Variants in CCBE1 observed in about 807,000 individuals in gnomAD.
The protein encoded by CCBE1 is collagen and calcium binding EGF domains 1, also known as collagen and calcium-binding EGF domain-containing protein 1.
Under a neutral mutation model 50.0 loss-of-function variants are expected in CCBE1, and 37 were observed. The observed-to-expected ratio is 0.74, with a 90% CI of 0.57 to 0.97. The LOEUF (loss-of-function observed/expected upper bound fraction) is 0.97, where lower values mean the gene tolerates loss of function less well. Ranked by LOEUF, CCBE1 falls within the 50% of genes least tolerant of loss-of-function variation. The pLI is 0.00. For synonymous variants in CCBE1, 234 were observed against 203.7 expected, an observed-to-expected ratio of 1.15 and a Z score of -1.27; for missense variants, 538 against 523.8, an observed-to-expected ratio of 1.03 and a Z score of -0.26.
At chr18:59,521,380 C>T (rs910510498) in intron 2 of CCBE1, among the ~76,000 whole-genome samples, 5 of 152,152 alleles carry the variant, frequency 3.3e-5, no homozygotes, top group East Asian at 1.9e-4. Context: ...CCATGAGTTA[C>T]GTGGATTGCA....
At chr18:59,567,619 T>G (rs947424432) in intron 2 of CCBE1, among the ~76,000 whole-genome samples, 4 of 152,210 alleles carry the variant, frequency 2.6e-5, no homozygotes, top group Non-Finnish European at 4.4e-5. Flanking sequence ...GTAGCAATTC[T>G]ATCAGTGACC....
Position 59,522,716 on chromosome 18 carries a change from G to C in CCBE1, c.213-42478C>G, listed in dbSNP as rs536342053. Among the ~76,000 whole-genome samples the C allele has an allele frequency of 2.8e-3, 430 of 152,230 alleles. 2 individuals carry two copies. The highest frequency in any genetic ancestry group is 4.9e-3 in the Admixed American group (75 of 15,294). On this transcript the variant is annotated intron_variant, in intron 2 of 10. Transcript: ENST00000439986. ...AATTAAATTTTTTTCTTGGCCGGGCGCAGTGGCTCACGCCTGTAATCCCAG... is the reference window on the plus strand; with the variant it reads ...AATTAAATTTTTTTCTTGGCCGGGCCCAGTGGCTCACGCCTGTAATCCCAG...
chr18:59,574,896 A>G (rs1410373191), intron 2 of CCBE1, among the ~76,000 whole-genome samples: 1 of 152,158 alleles, frequency 6.6e-6, no homozygotes, highest in Admixed American at 6.5e-5. Flanking sequence ...TCAGAATGTG[A>G]GGTTTGAAAA....
intron 7 of CCBE1, among the ~76,000 whole-genome samples, chr18:59,442,037 C>T (rs1910453427): frequency 6.6e-6 from 1 of 152,180 alleles, no homozygotes; most frequent in Non-Finnish European, 1.5e-5. Flanking sequence ...GCCCCATAGT[C>T]CCATCCTCCC....
At chr18:59,527,885 G>C (rs1224068663) in intron 2 of CCBE1, among the ~76,000 whole-genome samples, 4 of 152,186 alleles carry the variant, frequency 2.6e-5, no homozygotes, top group Non-Finnish European at 5.9e-5. Flanking sequence ...AGGTGACCTA[G>C]TGTTTCTCTC....
At chr18:59,584,309 A>T (rs2053142594) in intron 2 of CCBE1, among the ~76,000 whole-genome samples, 1 of 141,410 alleles carries the variant, frequency 7.1e-6, no homozygotes, top group Admixed American at 7.5e-5. Context: ...ATGAGAACAC[A>T]TGGACACAGG....
chr18:59,658,744 G>A (rs1289208658), intron 2 of CCBE1, among the ~76,000 whole-genome samples: 1 of 151,472 alleles, frequency 6.6e-6, no homozygotes, highest in African/African-American at 2.4e-5. Context: ...GCTGAGCGTG[G>A]TAGCGTGTAC....
intron 2 of CCBE1, among the ~76,000 whole-genome samples, chr18:59,566,577 G>T (rs1028342470): frequency 6.6e-6 from 1 of 152,310 alleles, no homozygotes; most frequent in Admixed American, 6.5e-5. Context: ...GATAAAGTAG[G>T]AAAGAAGTAC....
chr18:59,435,539 A>G lies in CCBE1; in HGVS notation c.*369T>C, dbSNP rs777333567. On this transcript the variant is annotated 3_prime_UTR_variant, in exon 11 of 11. Coordinates refer to ENST00000439986, the MANE Select transcript of CCBE1 (RefSeq NM_133459.4). ...ACATTTTCTTAGAGCTCACTTTGTC[A>G]TTTTCCCCCTTTTGATACTCTGCCA... 1.6e-5 allele frequency: 5 copies of G among 311,548 alleles called. No individual in the cohort carries two copies. Among genetic ancestry groups the G allele is most frequent in the Admixed American group, 9.3e-5 (2 of 21,618 alleles). 19.3% of individuals were successfully genotyped at this position (311,548 alleles called of 1,614,324 possible).
intron 2 of CCBE1, among the ~76,000 whole-genome samples, chr18:59,655,794 A>G (rs890800572): frequency 6.6e-6 from 1 of 152,220 alleles, no homozygotes; most frequent in Admixed American, 6.5e-5. Context: ...GCCCATCTGC[A>G]CATGAAGCCA....
intron 2 of CCBE1, among the ~76,000 whole-genome samples, chr18:59,595,686 T>C (rs2053340585): frequency 6.6e-6 from 1 of 152,262 alleles, no homozygotes; most frequent in Non-Finnish European, 1.5e-5. Flanking sequence ...TAAACATGTA[T>C]GAATATAGTG....
At chr18:59,554,658 A>C (rs2052630764) in intron 2 of CCBE1, among the ~76,000 whole-genome samples, 1 of 152,184 alleles carries the variant, frequency 6.6e-6, no homozygotes, top group African/African-American at 2.4e-5. Flanking sequence ...GCTAACTCTT[A>C]AGGACTCAAA....
intron 2 of CCBE1, among the ~76,000 whole-genome samples, chr18:59,547,396 G>A (rs1399743099): frequency 1.3e-5 from 2 of 152,144 alleles, no homozygotes; most frequent in Non-Finnish European, 2.9e-5. Context: ...TGGGGGATAA[G>A]ACAAAGAGCC....
chr18:59,593,267 T>C (rs1599043788), intron 2 of CCBE1, among the ~76,000 whole-genome samples: 1 of 152,242 alleles, frequency 6.6e-6, no homozygotes, highest in East Asian at 1.9e-4. Context: ...CCATGTGATG[T>C]CCATCTGCAG....
intron 2 of CCBE1, among the ~76,000 whole-genome samples, chr18:59,500,914 CA>C: frequency 6.6e-6 from 1 of 152,292 alleles, no homozygotes; most frequent in East Asian, 1.9e-4. Flanking sequence ...GAGTCACAGG[CA>C]AGAAACTGCC....
At position 59,439,553 on chromosome 18, in the gene CCBE1, T is replaced by C. The variant is rs1387937063; in HGVS notation, c.941A>G (p.Asp314Gly). 6.2e-7 allele frequency: 1 copy of C among 1,614,222 alleles called. No individual in the cohort carries two copies. The highest frequency in any genetic ancestry group is 1.6e-4 in the Middle Eastern group (1 of 6,062). Reference protein sequence around the residue: ...PVGPPGAPGRDGSKGERGAPG... With the variant: ...PVGPPGAPGRGGSKGERGAPG... ...ACTCATAAGGCTTACCTTAGAACCA[T>C]CTCTTCCTGGTGCCCCTGGTGGACC... The change falls in exon 9 of 11, where the codon GAT (aspartate) becomes GGT (glycine). Residue 314 changes from aspartate to glycine, a missense_variant. By Grantham distance (94) the Asp-to-Gly change is moderately conservative. Coordinates refer to ENST00000439986, the MANE Select transcript of CCBE1 (RefSeq NM_133459.4).
At chr18:59,553,047 C>T (rs1414190858) in intron 2 of CCBE1, among the ~76,000 whole-genome samples, 1 of 152,118 alleles carries the variant, frequency 6.6e-6, no homozygotes, top group Admixed American at 6.5e-5. Context: ...GGATCTCCTC[C>T]TCCATGTGTT....
intron 2 of CCBE1, among the ~76,000 whole-genome samples, chr18:59,608,449 A>G (rs1246913397): frequency 6.6e-6 from 1 of 152,180 alleles, no homozygotes; most frequent in East Asian, 1.9e-4. Context: ...GCCAAATAGC[A>G]TCTTAGCATT....
chr18:59,665,297 G>T (rs2054338662), intron 2 of CCBE1, among the ~76,000 whole-genome samples: 1 of 152,100 alleles, frequency 6.6e-6, no homozygotes, highest in Non-Finnish European at 1.5e-5. Flanking sequence ...GATTTTACTG[G>T]TTATGGTACA....
Sources: allele counts gnomAD v4.1 joint callset (sites outside exome capture counted in the v4.1 genomes callset), GRCh38; gene constraint gnomAD v4.1.1; transcripts MANE v1.5; gene names NCBI Gene and HGNC (gene_info 2026-07-23, HGNC 2026-07-21).